TRPM4: variants seen among roughly 807,000 people sequenced by gnomAD.
TRPM4 encodes the protein transient receptor potential cation channel subfamily M member 4.
In TRPM4, 124 loss-of-function variants were observed where a neutral mutation model predicts 135.6. The ratio of observed to expected loss-of-function variants is 0.91; its 90% CI spans 0.79 to 1.06. TRPM4 has a LOEUF of 1.06. TRPM4 is among the 50% of genes least tolerant of loss of function. The pLI, the probability that TRPM4 is intolerant of heterozygous loss-of-function variation, is 0.00. For synonymous variants in TRPM4, 745 were observed against 705.6 expected (o/e 1.06, Z -0.88); for missense variants, 1,658 against 1,671.4 (o/e 0.99, Z 0.14).
At chr19:49,189,463 C>T (rs1968328376) in intron 14 of TRPM4, among the ~76,000 whole-genome samples, 2 of 152,076 alleles carry the variant, frequency 1.3e-5, no homozygotes, top group South Asian at 4.1e-4. Context: ...ACGGCATCCA[C>T]AGGAAGTCCT....
At position 49,211,656 on chromosome 19, in the gene TRPM4, C is replaced by A; in HGVS notation, c.*158C>A. The A allele has an allele frequency of 1.1e-6, 1 of 926,554 alleles. No individual in the cohort carries two copies. The highest frequency in any genetic ancestry group is 1.7e-6 in the Non-Finnish European group (1 of 571,656). The allele number at this position is 926,554 out of a possible 1,614,324, so 57.4% of individuals were successfully genotyped here. On this transcript the variant is annotated 3_prime_UTR_variant, in exon 25 of 25. Transcript: ENST00000252826. The surrounding 1 kb of genome is among the most constrained non-coding windows in gnomAD (Gnocchi z 4.8). ...TCAGGACCACCTTTGGGAGTGTCAT[C>A]CTTACAAACCACAGCATGCCCGGCT...
intron 2 of TRPM4, among the ~76,000 whole-genome samples, chr19:49,160,287 C>A (rs555420214): frequency 1.3e-5 from 2 of 152,138 alleles, no homozygotes; most frequent in African/African-American, 4.8e-5. Context: ...GTCAGGAGTT[C>A]GAGACCAGCT....
chr19:49,160,063 G>T (rs1440046728), intron 2 of TRPM4: 3 of 152,240 alleles, frequency 2.0e-5, no homozygotes, highest in Non-Finnish European at 4.4e-5. Flanking sequence ...ACGAGCCACT[G>T]GGCTCTGTGA....
At chr19:49,176,987 G>T (rs937846305) in intron 9 of TRPM4, among the ~76,000 whole-genome samples, 2 of 152,092 alleles carry the variant, frequency 1.3e-5, no homozygotes, top group Non-Finnish European at 2.9e-5. Flanking sequence ...AGTGTTATAA[G>T]CCTCCATGGC....
intron 20 of TRPM4, among the ~76,000 whole-genome samples, chr19:49,205,111 T>C (rs1969100750): frequency 6.6e-6 from 1 of 150,674 alleles, no homozygotes; most frequent in Non-Finnish European, 1.5e-5. Flanking sequence ...CACAAGCCCC[T>C]GTGCTGGACC....
chr19:49,164,275 T>TTCCCTCCC (rs796267104), intron 2 of TRPM4, among the ~76,000 whole-genome samples: 8 of 118,942 alleles, frequency 6.7e-5, no homozygotes, highest in African/African-American at 1.6e-4. Context: ...TTCTCTCTCT[T>TTCCCTCCC]TCCCTCCCTC....
chr19:49,182,798 C>G lies in TRPM4; in HGVS notation c.1484C>G (p.Ala495Gly), dbSNP rs756114804. Residue 495 changes from alanine (A) to glycine (G), a missense_variant, in exon 11 of 25, where the codon GCT (alanine) becomes GGT (glycine). By Grantham distance (60) the Ala-to-Gly change is moderately conservative. This residue lies in a region of TRPM4 where 1,412 missense variants were observed against 1,408.7 expected (regional missense o/e 1.00). Transcript: ENST00000252826. ...GTKAPALKGG[A>G]AELRPPDVGH... ...AAAGCCCCAGCCCTAAAAGGGGGAG[C>G]TGCGGAGCTCCGGCCCCCTGACGTG... is the stretch of plus-strand genomic sequence containing the variant. The G allele has an allele frequency of 6.3e-7, 1 of 1,577,662 alleles. No homozygotes were observed. The highest frequency in any genetic ancestry group is 2.2e-5 in the East Asian group (1 of 44,874).
At chr19:49,193,078 T>TG (rs199583163) in intron 16 of TRPM4, among the ~76,000 whole-genome samples, 3,678 of 145,040 alleles carry the variant, frequency 0.025, 175 homozygotes, top group African/African-American at 0.092. Flanking sequence ...GAAAATCAGT[T>TG]GGTTTTTTTT....
At chr19:49,197,328 CTTTCTT>C (rs1225760896) in intron 17 of TRPM4, among the ~76,000 whole-genome samples, 1 of 118,900 alleles carries the variant, frequency 8.4e-6, no homozygotes, top group Non-Finnish European at 1.6e-5. Context: ...TTCTTTCTTT[CTTTCTT>C]TCTTTCTTTC....
intron 10 of TRPM4, among the ~76,000 whole-genome samples, chr19:49,182,037 CATTT>C (rs1269672360): frequency 6.6e-6 from 1 of 151,380 alleles, no homozygotes; most frequent in Non-Finnish European, 1.5e-5. Context: ...TCCATCCATC[CATTT>C]GTCCATCCAT....
In TRPM4 at chr19:49,210,304, C is replaced by T; in HGVS notation, c.3227C>T (p.Ala1076Val). ...GAATTCCACTCTCGGCCCGCGCTGG[C>T]CCCGCCCTTTATCGTCATCTCCCAC... ...IREFHSRPAL[A>V]PPFIVISHLR... Residue 1076 changes from alanine to valine, a missense_variant, in exon 21 of 25, where the codon GCC becomes GTC. Transcript: ENST00000252826. The surrounding 1 kb of genome is among the most constrained non-coding windows in gnomAD (Gnocchi z 4.1). 6.2e-7 allele frequency: 1 copy of T among 1,614,238 alleles called. No homozygotes were observed. The highest frequency in any genetic ancestry group is 8.5e-7 in the Non-Finnish European group (1 of 1,180,048).
intron 9 of TRPM4, among the ~76,000 whole-genome samples, chr19:49,180,824 T>C (rs1006781341): frequency 1.3e-5 from 2 of 151,968 alleles, no homozygotes; most frequent in Non-Finnish European, 2.9e-5. Context: ...ATCCACCCTG[T>C]ACATCCATCT....
At chr19:49,197,286 TTC>T (rs1301138242) in intron 17 of TRPM4, among the ~76,000 whole-genome samples, 1 of 133,488 alleles carries the variant, frequency 7.5e-6, no homozygotes, top group Non-Finnish European at 1.7e-5. Flanking sequence ...TTTTTTTTCT[TTC>T]TTTCTTTCTC....
At chr19:49,180,783 C>T (rs945920785) in intron 9 of TRPM4, among the ~76,000 whole-genome samples, 3 of 151,958 alleles carry the variant, frequency 2.0e-5, no homozygotes, top group Non-Finnish European at 2.9e-5. Context: ...TTCCTCTCTC[C>T]CCATCCATCC....
intron 20 of TRPM4, among the ~76,000 whole-genome samples, chr19:49,206,900 T>C (rs1315113212): frequency 6.6e-6 from 1 of 152,222 alleles, no homozygotes; most frequent in African/African-American, 2.4e-5. Flanking sequence ...CCTAGGTGCT[T>C]AACCTTTAGA....
intron 6 of TRPM4, among the ~76,000 whole-genome samples, chr19:49,170,791 G>C (rs1053132528): frequency 2.2e-4 from 33 of 152,104 alleles, no homozygotes; most frequent in African/African-American, 7.7e-4. Flanking sequence ...CCAAAGACAT[G>C]ACAATTCTGG....
At chr19:49,179,561 G>A (rs183926693) in intron 9 of TRPM4, among the ~76,000 whole-genome samples, 4 of 152,102 alleles carry the variant, frequency 2.6e-5, no homozygotes, top group East Asian at 1.9e-4. Context: ...TGTTACCCAG[G>A]CTGGTCTCGA....
intron 11 of TRPM4, 51 bp from the exon 12 acceptor site, chr19:49,183,027 G>C: frequency 6.2e-7 from 1 of 1,605,530 alleles, no homozygotes; most frequent in South Asian, 1.1e-5. Flanking sequence ...GGCTGGTGGT[G>C]GCCAGTGTTG....
At position 49,210,364 on chromosome 19, in the gene TRPM4, C is replaced by T; in HGVS notation, c.3287C>T (p.Pro1096Leu). The part of the protein sequence containing the change: ...RLLLRQLCRR[P>L]RSPQPSSPAL... ...CTGCTCAGGCAATTGTGCAGGCGAC[C>T]CCGGAGCCCCCAGCCGTCCTCCCCG... Residue 1096 changes from proline (P) to leucine (L), a missense_variant, in exon 21 of 25, where the codon CCC (proline) becomes CTC (leucine). Pro to Leu is a moderately conservative substitution (Grantham distance 98). Around this residue, in one of 3 missense-constraint regions of TRPM4, gnomAD observed 1,412 missense variants for 1,408.7 expected, o/e 1.00. Coordinates refer to ENST00000252826, the MANE Select transcript of TRPM4 (RefSeq NM_017636.4). The surrounding 1 kb of genome is among the most constrained non-coding windows in gnomAD (Gnocchi z 4.1). 4 of 1,614,086 alleles carry T rather than the reference C, an allele frequency of 2.5e-6. No homozygotes were observed. The highest frequency in any genetic ancestry group is 3.4e-6 in the Non-Finnish European group (4 of 1,180,044).
Sources: allele counts gnomAD v4.1 joint callset (sites outside exome capture counted in the v4.1 genomes callset), GRCh38; gene constraint gnomAD v4.1.1; regional missense constraint gnomAD v4.1.1; non-coding constraint Gnocchi (gnomAD v3.1); transcripts MANE v1.5; gene names NCBI Gene and HGNC (gene_info 2026-07-23, HGNC 2026-07-21).